FCHSD2: variants seen among roughly 807,000 people sequenced by gnomAD.
The protein encoded by FCHSD2 is FCH and double SH3 domains 2.
Under a neutral mutation model 108.1 loss-of-function variants are expected in FCHSD2, and 38 were observed. The ratio of observed to expected loss-of-function variants is 0.35; its 90% CI spans 0.27 to 0.46. The LOEUF is 0.46. Ranked by LOEUF, FCHSD2 falls within the 20% of genes least tolerant of loss-of-function variation. The pLI is 1.00. For synonymous variants in FCHSD2, 279 were observed against 314.7 expected (o/e 0.89, Z 1.20); for missense variants, 751 against 897.8 (o/e 0.84, Z 2.09).
chr11:73,084,519 T>C (rs1224522842), intron 2 of FCHSD2, among the ~76,000 whole-genome samples: 1 of 152,156 alleles, frequency 6.6e-6, no homozygotes, highest in African/African-American at 2.4e-5. Flanking sequence ...GCCTCCTAAG[T>C]AGCTGGGACT....
In FCHSD2 at chr11:72,991,784, A is replaced by G. The variant is rs552121237; in HGVS notation, c.388-2687T>C. On this transcript the variant is annotated intron_variant, in intron 5 of 19. Transcript: ENST00000409418. ...CTCAAAATAATAAGAACTATCTATG[A>G]CAAACTCACAGCCAATATCATACTG... Among the ~76,000 whole-genome samples, 7 of 152,326 alleles carry G rather than the reference A, an allele frequency of 4.6e-5. No homozygotes were observed. In the East Asian group the frequency reaches 1.3e-3, roughly 29 times the overall value.
At chr11:73,033,530 G>A (rs999786225) in intron 3 of FCHSD2, among the ~76,000 whole-genome samples, 4 of 152,104 alleles carry the variant, frequency 2.6e-5, no homozygotes. Flanking sequence ...GCACAGAAAT[G>A]GAGGAATTAT....
intron 8 of FCHSD2, among the ~76,000 whole-genome samples, chr11:72,977,629 G>A (rs921729234): frequency 2.6e-5 from 4 of 152,208 alleles, no homozygotes; most frequent in South Asian, 2.1e-4. Flanking sequence ...AAGCGAGCAC[G>A]CTCTCACACC....
intron 2 of FCHSD2, among the ~76,000 whole-genome samples, chr11:73,102,882 T>C (rs781319293): frequency 8.5e-5 from 13 of 152,172 alleles, no homozygotes; most frequent in Non-Finnish European, 1.9e-4. Context: ...GACTAAGACA[T>C]ACTCTTATTA....
At chr11:72,850,971 T>A (rs1861271250) in intron 13 of FCHSD2, among the ~76,000 whole-genome samples, 1 of 151,668 alleles carries the variant, frequency 6.6e-6, no homozygotes, top group African/African-American at 2.4e-5. Flanking sequence ...TGGTGGTGCA[T>A]GCCTGAAGTC....
At chr11:73,056,014 T>C (rs1407461312) in intron 3 of FCHSD2, among the ~76,000 whole-genome samples, 1 of 152,202 alleles carries the variant, frequency 6.6e-6, no homozygotes, top group African/African-American at 2.4e-5. Context: ...TTATGTTATG[T>C]ATATTTTACC....
chr11:72,848,521 C>A (rs1861205311), intron 14 of FCHSD2, among the ~76,000 whole-genome samples: 1 of 152,184 alleles, frequency 6.6e-6, no homozygotes, highest in Admixed American at 6.5e-5. Context: ...CACACTTGTT[C>A]TATTTTCCAG....
chr11:72,892,461 G>T (rs1855332472), intron 10 of FCHSD2, among the ~76,000 whole-genome samples: 1 of 152,174 alleles, frequency 6.6e-6, no homozygotes, highest in African/African-American at 2.4e-5. Context: ...CACAGGTCTT[G>T]ACAACTGAGA....
At chr11:73,031,230 C>G (rs1401625656) in intron 3 of FCHSD2, among the ~76,000 whole-genome samples, 1 of 152,068 alleles carries the variant, frequency 6.6e-6, no homozygotes, top group Non-Finnish European at 1.5e-5. Context: ...GTAATTCTAG[C>G]ACTTTAGGAG....
At chr11:72,848,523 A>G (rs10898884) in intron 14 of FCHSD2, among the ~76,000 whole-genome samples, 37,351 of 151,994 alleles carry the variant, frequency 0.25, 5,052 homozygotes, top group East Asian at 0.48. Flanking sequence ...CACTTGTTCT[A>G]TTTTCCAGTT....
rs1009807048 is a variant in FCHSD2 at position 73,015,452 on chromosome 11, T to C, written c.242+357A>G. On this transcript the variant is annotated intron_variant, in intron 4 of 19. Transcript: ENST00000409418. ...GTATCAGTGAAGATGGCAGAACATA[T>C]ACAATCTTGTTTCATCACCGTCACA... Among the ~76,000 whole-genome samples the C allele has an allele frequency of 6.6e-5, 10 of 152,170 alleles. No individual in the cohort carries two copies. In the South Asian group the frequency reaches 1.4e-3, roughly 22 times the overall value.
chr11:73,136,441 T>C (rs987403494), intron 2 of FCHSD2, among the ~76,000 whole-genome samples: 3 of 150,654 alleles, frequency 2.0e-5, no homozygotes, highest in Non-Finnish European at 4.4e-5. Context: ...TCAGCTACCA[T>C]GGAGGATGAG....
At chr11:73,087,651 G>A (rs905353678) in intron 2 of FCHSD2, among the ~76,000 whole-genome samples, 9 of 150,278 alleles carry the variant, frequency 6.0e-5, no homozygotes, top group African/African-American at 2.2e-4. Context: ...GTTGCAGTGG[G>A]CCGAGATCAC....
chr11:73,106,481 T>C (rs1860347927), intron 2 of FCHSD2, among the ~76,000 whole-genome samples: 1 of 151,896 alleles, frequency 6.6e-6, no homozygotes, highest in Non-Finnish European at 1.5e-5. Flanking sequence ...AGTATTCTGC[T>C]TGTTAAAGAA....
At chr11:72,840,854 A>G (rs374388715) in intron 19 of FCHSD2, 23 bp downstream of exon 19, 1 of 1,541,354 alleles carries the variant, frequency 6.5e-7, no homozygotes, top group Non-Finnish European at 9.0e-7. Flanking sequence ...GCATTCGATA[A>G]TCCTGCAAGA....
At chr11:73,027,783 C>A (rs1176097113) in intron 3 of FCHSD2, among the ~76,000 whole-genome samples, 1 of 152,252 alleles carries the variant, frequency 6.6e-6, no homozygotes, top group Non-Finnish European at 1.5e-5. Context: ...CTGCTCTGTG[C>A]AGCCTTGGGA....
chr11:72,889,856 C>T lies in FCHSD2; in HGVS notation c.1014G>A (p.Glu338=). The T allele has an allele frequency of 6.2e-7, 1 of 1,611,260 alleles. No homozygotes were observed. The highest frequency in any genetic ancestry group is 8.5e-7 in the Non-Finnish European group (1 of 1,177,398). Residue 338 remains glutamate, a synonymous_variant, in exon 11 of 20, where the codon GAG becomes GAA. Coordinates refer to ENST00000409418, the MANE Select transcript of FCHSD2 (RefSeq NM_014824.3). ...GTTGTTGGTGAACAATGTTTTTATGCTCACGTGCCACACGTGTGGCCCATT... is the reference window on the plus strand; with the variant it reads ...GTTGTTGGTGAACAATGTTTTTATGTTCACGTGCCACACGTGTGGCCCATT... ...ARKWATRVAR[E]HKNIVHQQRV...
chr11:72,975,717 A>G (rs1269966159), intron 8 of FCHSD2, among the ~76,000 whole-genome samples: 2 of 152,220 alleles, frequency 1.3e-5, no homozygotes, highest in Non-Finnish European at 2.9e-5. Flanking sequence ...TCTGCAAAAG[A>G]TAAGTCAAAT....
At chr11:72,939,228 C>T (rs1218950953) in intron 8 of FCHSD2, among the ~76,000 whole-genome samples, 3 of 152,062 alleles carry the variant, frequency 2.0e-5, no homozygotes, top group African/African-American at 4.8e-5. Flanking sequence ...TAGCAGAGGA[C>T]GTTCAGGAAG....
Sources: gnomAD v4.1 joint callset for allele counts (sites outside exome capture counted in the v4.1 genomes callset) on GRCh38, gnomAD v4.1.1 for gene constraint, MANE v1.5 for transcripts, NCBI Gene and HGNC (gene_info 2026-07-23, HGNC 2026-07-21) for gene names.